The following EPS15 variants were observed in gnomAD, a reference collection of about 807,000 sequenced individuals.
The protein encoded by EPS15 is epidermal growth factor receptor substrate 15.
In EPS15, 72 loss-of-function variants were observed where a neutral mutation model predicts 113.8. The observed-to-expected ratio is 0.63, with a 90% CI of 0.52 to 0.77. The LOEUF (loss-of-function observed/expected upper bound fraction) is 0.77. Ranked by LOEUF, EPS15 falls within the 30% of genes least tolerant of loss-of-function variation. EPS15 has a pLI of 0.00. For synonymous variants in EPS15, 344 were observed against 363.4 expected, an observed-to-expected ratio of 0.95 and a Z score of 0.61; for missense variants, 1,048 against 1,045.8, an observed-to-expected ratio of 1.00 and a Z score of -0.03.
intron 1 of EPS15, among the ~76,000 whole-genome samples, chr1:51,508,223 G>GAA (rs1557536211): frequency 2.5e-5 from 2 of 78,472 alleles, no homozygotes; most frequent in East Asian, 5.5e-4. Context: ...GAAAAGAAAA[G>GAA]AAAAGAAAAG....
chr1:51,361,684 G>T (rs2148344942), intron 23 of EPS15, among the ~76,000 whole-genome samples: 1 of 152,204 alleles, frequency 6.6e-6, no homozygotes, highest in East Asian at 1.9e-4. Flanking sequence ...AGAGACGAAT[G>T]GATTAAACAG....
chr1:51,405,580 C>T (rs551246775), intron 16 of EPS15, among the ~76,000 whole-genome samples: 1 of 151,992 alleles, frequency 6.6e-6, no homozygotes, highest in South Asian at 2.1e-4. Context: ...TGACTGTAAT[C>T]CCAGCTACTC....
chr1:51,490,581 A>C (rs551418212), intron 1 of EPS15, among the ~76,000 whole-genome samples: 8 of 151,864 alleles, frequency 5.3e-5, no homozygotes, highest in South Asian at 2.1e-4. Context: ...AAAAAAAAAA[A>C]AAAACAGAAG....
intron 24 of EPS15, among the ~76,000 whole-genome samples, chr1:51,357,520 G>A (rs1431411529): frequency 7.1e-6 from 1 of 141,542 alleles, no homozygotes; most frequent in African/African-American, 2.6e-5. Flanking sequence ...AAACAGGACA[G>A]GGCTAGCCTT....
At chr1:51,388,835 C>T (rs1647172790) in intron 21 of EPS15, among the ~76,000 whole-genome samples, 1 of 152,106 alleles carries the variant, frequency 6.6e-6, no homozygotes, top group African/African-American at 2.4e-5. Context: ...AATAGCTTAC[C>T]AACCAAAAAG....
chr1:51,438,856 G>A (rs1167578417), intron 12 of EPS15, among the ~76,000 whole-genome samples: 1 of 151,922 alleles, frequency 6.6e-6, no homozygotes, highest in African/African-American at 2.4e-5. Context: ...CGTGATGTGT[G>A]ACTTTGGATT....
At chr1:51,393,085 C>A (rs545808778) in intron 21 of EPS15, among the ~76,000 whole-genome samples, 1 of 152,322 alleles carries the variant, frequency 6.6e-6, no homozygotes, top group East Asian at 1.9e-4. Flanking sequence ...TTATTTTCTA[C>A]ATATCTCCTT....
chr1:51,413,354 C>T (rs1649917867), intron 13 of EPS15, among the ~76,000 whole-genome samples: 1 of 152,210 alleles, frequency 6.6e-6, no homozygotes. Flanking sequence ...TTACAAACTT[C>T]TAAAGGACAG....
intron 7 of EPS15, among the ~76,000 whole-genome samples, chr1:51,462,939 C>T (rs1371988222): frequency 1.5e-5 from 2 of 134,108 alleles, no homozygotes; most frequent in East Asian, 2.2e-4. Context: ...TGTAGTGGTG[C>T]GATCTCGGCT....
At chr1:51,484,920 T>C (rs963943353) in intron 1 of EPS15, among the ~76,000 whole-genome samples, 4 of 152,262 alleles carry the variant, frequency 2.6e-5, no homozygotes, top group Non-Finnish European at 5.9e-5. Flanking sequence ...AACTCTTAGA[T>C]GGTTTTGTCA....
chr1:51,361,001 G>T (rs1449682272), intron 24 of EPS15, among the ~76,000 whole-genome samples, 170 bp downstream of exon 24: 1 of 152,182 alleles, frequency 6.6e-6, no homozygotes, highest in African/African-American at 2.4e-5. Flanking sequence ...AACAACCGTA[G>T]AACTGTCAAA....
intron 21 of EPS15, among the ~76,000 whole-genome samples, chr1:51,384,301 T>TC (rs1425916613): frequency 4.2e-4 from 60 of 143,080 alleles, no homozygotes; most frequent in South Asian, 1.1e-3. Flanking sequence ...TTTCTTTCTT[T>TC]TTTTTTTTTT....
intron 2 of EPS15, among the ~76,000 whole-genome samples, chr1:51,476,113 GTA>G (rs1643895405): frequency 6.6e-6 from 1 of 152,166 alleles, no homozygotes. Flanking sequence ...GTCAGGTAGT[GTA>G]ATGCCTCCAG....
intron 1 of EPS15, among the ~76,000 whole-genome samples, chr1:51,482,866 G>A (rs769055986): frequency 4.6e-5 from 7 of 151,204 alleles, no homozygotes; most frequent in Admixed American, 1.3e-4. Flanking sequence ...AGATTTGACA[G>A]GACTTATTAA....
At chr1:51,477,078 T>C (rs1643922613) in intron 2 of EPS15, among the ~76,000 whole-genome samples, 2 of 152,252 alleles carry the variant, frequency 1.3e-5, no homozygotes, top group Admixed American at 1.3e-4. Flanking sequence ...TGAATCCATC[T>C]GGTCCTGGAC....
At chr1:51,410,509 CA>C (rs1649608681) in intron 13 of EPS15, among the ~76,000 whole-genome samples, 1 of 151,214 alleles carries the variant, frequency 6.6e-6, no homozygotes, top group East Asian at 1.9e-4. Flanking sequence ...TTTCTTAAAA[CA>C]AAAAAAGAAC....
chr1:51,457,868 G>A (rs1288999679), intron 8 of EPS15: 1 of 152,014 alleles, frequency 6.6e-6, no homozygotes, highest in Non-Finnish European at 1.5e-5. Context: ...ACTGGGAGGC[G>A]GGGTAAGGGA....
At chr1:51,449,269 C>T (rs1570328824) in intron 8 of EPS15, among the ~76,000 whole-genome samples, 1 of 151,914 alleles carries the variant, frequency 6.6e-6, no homozygotes, top group Non-Finnish European at 1.5e-5. Flanking sequence ...CAAAAAACAA[C>T]AAGATCATGT....
At position 51,465,311 on chromosome 1, in the gene EPS15, G is replaced by A. The variant is rs763770907; in HGVS notation, c.325C>T (p.Pro109Ser). 1.2e-6 allele frequency: 2 copies of A among 1,609,786 alleles called. No homozygotes were observed. Among genetic ancestry groups the A allele is most frequent in the South Asian group, 2.2e-5 (2 of 90,678 alleles). The change falls in exon 6 of 25, where the codon CCT becomes TCT. Residue 109 changes from proline (P) to serine (S), a missense_variant. Pro to Ser is a moderately conservative substitution (Grantham distance 74, BLOSUM62 -1). Coordinates refer to ENST00000371733, the MANE Select transcript of EPS15 (RefSeq NM_001981.3). ...GCAGAGGTTCCACTGATTAGCAAAGGACTACTGGTATCATGCTATAGAAGA... is the reference window on the plus strand; with the variant it reads ...GCAGAGGTTCCACTGATTAGCAAAGAACTACTGGTATCATGCTATAGAAGA... ...PPPRFHDTSS[P>S]LLISGTSAAE...
Sources: allele counts gnomAD v4.1 joint callset (sites outside exome capture counted in the v4.1 genomes callset), GRCh38; gene constraint gnomAD v4.1.1; transcripts MANE v1.5; gene names NCBI Gene and HGNC (gene_info 2026-07-23, HGNC 2026-07-21).